HDGFL3: variants seen among roughly 807,000 people sequenced by gnomAD.
HDGFL3 encodes the protein HDGF like 3, also known as hepatoma-derived growth factor-related protein 3.
In HDGFL3, 6 loss-of-function variants were observed where a neutral mutation model predicts 27.6. The ratio of observed to expected loss-of-function variants is 0.22; its 90% CI spans 0.12 to 0.43. The LOEUF is 0.43. Among genes scored for constraint, HDGFL3 ranks in the 20% least tolerant of loss-of-function variants. The pLI is 1.00. For synonymous variants in HDGFL3, 88 were observed against 88.9 expected (o/e 0.99, Z 0.05); for missense variants, 207 against 250.1 (o/e 0.83, Z 1.16).
intron 1 of HDGFL3, among the ~76,000 whole-genome samples, chr15:83,169,705 A>T (rs1184109956): frequency 6.6e-6 from 1 of 151,510 alleles, no homozygotes; most frequent in Non-Finnish European, 1.5e-5. Context: ...GGAGGCTGAG[A>T]CACGAGAATC....
In HDGFL3 at chr15:83,136,836, T is replaced by C; in HGVS notation, c.*2434A>G. 1 of 473,554 alleles carries C rather than the reference T, an allele frequency of 2.1e-6. No homozygotes were observed. The highest frequency in any genetic ancestry group is 3.5e-6 in the Non-Finnish European group (1 of 283,294). The allele number at this position is 473,554 out of a possible 1,614,324, so 29.3% of individuals were successfully genotyped here. On this transcript the variant is annotated 3_prime_UTR_variant, in exon 6 of 6. Coordinates refer to ENST00000299633, the MANE Select transcript of HDGFL3 (RefSeq NM_016073.4). Reference sequence around the variant, plus strand: ...CTATATGGTATTGTGTAAATTTTTTTTGAAGGAAAATGGAAATTCTTGAGA... The same window carrying C: ...CTATATGGTATTGTGTAAATTTTTTCTGAAGGAAAATGGAAATTCTTGAGA...
intron 1 of HDGFL3, among the ~76,000 whole-genome samples, chr15:83,171,764 G>A (rs1432116342): frequency 1.3e-5 from 2 of 152,070 alleles, no homozygotes; most frequent in Non-Finnish European, 2.9e-5. Flanking sequence ...AGGGGGACAA[G>A]GGATGAAAAC....
At chr15:83,175,746 G>C (rs561790127) in intron 1 of HDGFL3, among the ~76,000 whole-genome samples, 1 of 152,204 alleles carries the variant, frequency 6.6e-6, no homozygotes, top group Non-Finnish European at 1.5e-5. Context: ...TGTAGTCCCA[G>C]CTACTCGGGA....
At chr15:83,192,908 G>C (rs2037529215) in intron 1 of HDGFL3, among the ~76,000 whole-genome samples, 1 of 152,078 alleles carries the variant, frequency 6.6e-6, no homozygotes, top group Non-Finnish European at 1.5e-5. Context: ...TTAAGGACAG[G>C]CCTGGGCAAA....
At chr15:83,167,840 C>T (rs113891800) in intron 1 of HDGFL3, among the ~76,000 whole-genome samples, 15 of 152,248 alleles carry the variant, frequency 9.9e-5, no homozygotes, top group African/African-American at 3.6e-4. Flanking sequence ...TAGACAACCA[C>T]AGAATATTCA....
intron 2 of HDGFL3, 73 bp downstream of exon 2, chr15:83,163,926 T>C: frequency 1.1e-6 from 1 of 946,590 alleles, no homozygotes; most frequent in South Asian, 1.4e-5. Flanking sequence ...ACGTAAGATG[T>C]CAGAGATCAT....
chr15:83,165,804 A>AG (rs1165593982), intron 1 of HDGFL3, among the ~76,000 whole-genome samples: 1 of 150,000 alleles, frequency 6.7e-6, no homozygotes, highest in Non-Finnish European at 1.5e-5. Context: ...CAAAAAAAAA[A>AG]AAAAAAAAAA....
chr15:83,122,843 A>G (rs781606916), downstream of HDGFL3: 3 of 1,613,946 alleles, frequency 1.9e-6, no homozygotes, highest in Non-Finnish European at 2.5e-6. Context: ...CAGAATCTAT[A>G]ATCAGCCATC....
intron 3 of HDGFL3, among the ~76,000 whole-genome samples, chr15:83,117,654 G>T (rs955542842): frequency 9.9e-5 from 15 of 152,128 alleles, no homozygotes; most frequent in African/African-American, 3.4e-4. Flanking sequence ...GGTATCAGAA[G>T]GGGGACTGGG....
chr15:83,119,552 G>A lies in HDGFL3; in HGVS notation c.394-3811C>T, dbSNP rs775297241. ...TGCATTTACAGGTCTTATTTAAAGT[G>A]GACTTCTTTTTAATGCTTTCTTTAG... On this transcript the variant is annotated intron_variant, in intron 3 of 3. Coordinates refer to the HDGFL3 transcript ENST00000568294. 8.1e-6 allele frequency: 13 copies of A among 1,612,236 alleles called. No individual in the cohort carries two copies. In the East Asian group the frequency reaches 2.7e-4, roughly 33 times the overall value.
At chr15:83,176,326 C>T (rs1181309616) in intron 1 of HDGFL3, among the ~76,000 whole-genome samples, 2 of 152,050 alleles carry the variant, frequency 1.3e-5, no homozygotes, top group Admixed American at 6.5e-5. Context: ...TTATAGATGT[C>T]GGTAAGACTT....
At chr15:83,203,557 C>G (rs2037678083) in intron 1 of HDGFL3, among the ~76,000 whole-genome samples, 1 of 152,022 alleles carries the variant, frequency 6.6e-6, no homozygotes, top group Non-Finnish European at 1.5e-5. Context: ...AAGCAAACAA[C>G]AAGGTAAATG....
chr15:83,168,864 C>T (rs2037206137), intron 1 of HDGFL3, among the ~76,000 whole-genome samples: 1 of 152,108 alleles, frequency 6.6e-6, no homozygotes, highest in African/African-American at 2.4e-5. Flanking sequence ...AAAGCAGATG[C>T]AAAATCCTCA....
In HDGFL3 at chr15:83,129,401, G is replaced by T. The variant is rs1426663367; in HGVS notation, c.*9869C>A. 1 of 152,200 alleles carries T rather than the reference G, an allele frequency of 6.6e-6. No individual in the cohort carries two copies. Among genetic ancestry groups the T allele is most frequent in the Non-Finnish European group, 1.5e-5 (1 of 68,056 alleles). 9.4% of individuals were successfully genotyped at this position (152,200 alleles called of 1,614,324 possible). Reference sequence around the variant, plus strand: ...GTCCAGGCCTGGCACCAGGTCAACTGAGGGGAGGCTGGTGACTGTGGTCTT... The same window carrying T: ...GTCCAGGCCTGGCACCAGGTCAACTTAGGGGAGGCTGGTGACTGTGGTCTT... On this transcript the variant is annotated 3_prime_UTR_variant, in exon 6 of 6. Transcript: ENST00000299633.
chr15:83,120,488 A>C (rs1027680164), intron 3 of HDGFL3, among the ~76,000 whole-genome samples: 3 of 152,212 alleles, frequency 2.0e-5, no homozygotes, highest in Middle Eastern at 6.8e-3. Flanking sequence ...TCTGGGTTAC[A>C]GAAAGTCATG....
chr15:83,141,895 C>T (rs958583648), intron 5 of HDGFL3, among the ~76,000 whole-genome samples: 3 of 152,158 alleles, frequency 2.0e-5, no homozygotes, highest in African/African-American at 4.8e-5. Context: ...CTATTCAGAG[C>T]GCTAGACAAA....
chr15:83,190,008 C>T (rs1320152259), intron 1 of HDGFL3, among the ~76,000 whole-genome samples: 1 of 152,164 alleles, frequency 6.6e-6, no homozygotes, highest in Middle Eastern at 3.4e-3. Flanking sequence ...GAGCTCAAGA[C>T]CAGCCTGGGC....
At chr15:83,187,931 A>AT (rs930435379) in intron 1 of HDGFL3, among the ~76,000 whole-genome samples, 19 of 151,610 alleles carry the variant, frequency 1.3e-4, no homozygotes, top group African/African-American at 4.4e-4. Flanking sequence ...GTAAACACAC[A>AT]TTTTTATGCA....
At chr15:83,143,809 C>A (rs2036833519) in intron 5 of HDGFL3, among the ~76,000 whole-genome samples, 1 of 152,082 alleles carries the variant, frequency 6.6e-6, no homozygotes. Context: ...AAAGGCATGG[C>A]CACATGGTAA....
Sources: allele counts gnomAD v4.1 joint callset (sites outside exome capture counted in the v4.1 genomes callset), GRCh38; gene constraint gnomAD v4.1.1; transcripts MANE v1.5; gene names NCBI Gene and HGNC (gene_info 2026-07-23, HGNC 2026-07-21).